The following AGO3 variants were observed in gnomAD, a reference collection of about 807,000 sequenced individuals.
The protein encoded by AGO3 is protein argonaute-3.
A neutral mutation model predicts 105.5 loss-of-function variants in AGO3; 16 were observed. That is an observed-to-expected ratio of 0.15 (90% CI 0.10 to 0.23). AGO3 has a LOEUF of 0.23. Ranked by LOEUF, AGO3 falls within the 10% of genes least tolerant of loss-of-function variation. The pLI is 1.00. For missense variants in AGO3, 534 were observed against 1,088.0 expected, an observed-to-expected ratio of 0.49 and a Z score of 7.16; for synonymous variants, 340 against 367.3, an observed-to-expected ratio of 0.93 and a Z score of 0.85.
intron 15 of AGO3, 85 bp downstream of exon 15, chr1:36,040,069 T>G: frequency 7.2e-7 from 1 of 1,395,836 alleles, no homozygotes; most frequent in Non-Finnish European, 9.7e-7. Context: ...GTTAAAAACC[T>G]TGTTAGAGTT....
intron 11 of AGO3, among the ~76,000 whole-genome samples, chr1:36,022,844 A>G (rs1641302821): frequency 6.6e-6 from 1 of 151,016 alleles, no homozygotes; most frequent in African/African-American, 2.4e-5. Context: ...AGTCAGGAGA[A>G]TTGCTGGAAC....
intron 5 of AGO3, among the ~76,000 whole-genome samples, chr1:36,002,323 A>AT (rs1640124218): frequency 1.5e-5 from 2 of 136,538 alleles, no homozygotes; most frequent in African/African-American, 5.9e-5. Context: ...CAGCCAAGAT[A>AT]ATTTTTTTTT....
chr1:35,931,369 T>G lies in AGO3; in HGVS notation c.-58T>G, dbSNP rs886490134. 1.6e-5 allele frequency: 23 copies of G among 1,406,240 alleles called. No homozygotes were observed. Among genetic ancestry groups the G allele is most frequent in the Non-Finnish European group, 1.5e-5 (16 of 1,073,476 alleles). 87.1% of individuals were successfully genotyped at this position (1,406,240 alleles called of 1,614,324 possible). A position where few individuals can be genotyped will look rare whatever the true frequency, so the allele number is the denominator to read the frequency against. On this transcript the variant is annotated 5_prime_UTR_variant, in exon 1 of 19. Coordinates refer to ENST00000373191, the MANE Select transcript of AGO3 (RefSeq NM_024852.4). The stretch of plus-strand genomic sequence containing the variant: ...GCGCCGCGTCGCCCCCCGGGCCGCC[T>G]CCTTGCCGCCAGTGGCGGGCTCCGT...
At position 35,987,556 on chromosome 1, in the gene AGO3, A is replaced by G. The variant is rs188031794; in HGVS notation, c.658+14045A>G. On this transcript the variant is annotated intron_variant, in intron 5 of 18. Coordinates refer to ENST00000373191, the MANE Select transcript of AGO3 (RefSeq NM_024852.4). ...CTTAGAACAAAAGTATGTACTAGGT[A>G]CATACAAATAAAGTAAAATTATAAA... Among the ~76,000 whole-genome samples the G allele has an allele frequency of 1.1e-4, 17 of 152,202 alleles. No homozygotes were observed. In the East Asian group the frequency reaches 3.3e-3, roughly 29 times the overall value.
At chr1:36,012,885 A>G (rs567045931) in intron 9 of AGO3, among the ~76,000 whole-genome samples, 1 of 151,862 alleles carries the variant, frequency 6.6e-6, no homozygotes, top group Non-Finnish European at 1.5e-5. Flanking sequence ...CCTGAATAAC[A>G]TAGCAAGACT....
At chr1:36,040,554 A>C in intron 16 of AGO3, 113 bp downstream of exon 16, 1 of 1,128,842 alleles carries the variant, frequency 8.9e-7, no homozygotes, top group Non-Finnish European at 1.3e-6. Context: ...TATAGTAGCA[A>C]ATTTCAACAA....
In AGO3 at chr1:36,068,724, C is replaced by T. The variant is rs115298849; in HGVS notation, c.*12979C>T. 2 of 152,124 alleles carry T rather than the reference C, an allele frequency of 1.3e-5. No individual in the cohort carries two copies. The highest frequency in any genetic ancestry group is 6.5e-5 in the Admixed American group (1 of 15,270). The allele number at this position is 152,124 out of a possible 1,614,324, so 9.4% of individuals were successfully genotyped here. A position where few individuals can be genotyped will look rare whatever the true frequency, so the allele number is the denominator to read the frequency against. On this transcript the variant is annotated 3_prime_UTR_variant, in exon 19 of 19. Coordinates refer to ENST00000373191, the MANE Select transcript of AGO3 (RefSeq NM_024852.4). ...ATTAATACTTAACCTGTTCATTTCT[C>T]TTAATTTATGTATTTATTCTGACTT...
Position 35,931,396 on chromosome 1 carries a change from C to T in AGO3, c.-31C>T. 3 of 1,422,300 alleles carry T rather than the reference C, an allele frequency of 2.1e-6. No homozygotes were observed. Among genetic ancestry groups the T allele is most frequent in the Admixed American group, 3.0e-5 (1 of 33,828 alleles). 88.1% of individuals were successfully genotyped at this position (1,422,300 alleles called of 1,614,324 possible). ...CTTGCCGCCAGTGGCGGGCTCCGTT[C>T]TCCCTCGAAGCACTCCCCCCAGCTC... is the stretch of plus-strand genomic sequence containing the variant. On this transcript the variant is annotated 5_prime_UTR_variant, in exon 1 of 19. Transcript: ENST00000373191.
At chr1:35,948,223 T>A (rs992953879) in intron 2 of AGO3, among the ~76,000 whole-genome samples, 2 of 150,782 alleles carry the variant, frequency 1.3e-5, no homozygotes, top group Non-Finnish European at 3.0e-5. Flanking sequence ...AGAATTTTTT[T>A]TTTTTTTTTT....
chr1:35,968,903 G>GT (rs112508712), intron 3 of AGO3, among the ~76,000 whole-genome samples: 8,871 of 143,576 alleles, frequency 0.062, 314 homozygotes, highest in South Asian at 0.089. Flanking sequence ...TTTCTGTTTT[G>GT]TTTTTTTTTT....
chr1:36,045,702 G>A (rs889133433), intron 17 of AGO3, among the ~76,000 whole-genome samples: 7 of 151,484 alleles, frequency 4.6e-5, no homozygotes, highest in African/African-American at 1.2e-4. Context: ...GCCACCACAC[G>A]CGGCTAATTT....
At chr1:35,933,017 A>G (rs192853867) in intron 1 of AGO3, among the ~76,000 whole-genome samples, 4 of 152,344 alleles carry the variant, frequency 2.6e-5, no homozygotes, top group Admixed American at 1.3e-4. Context: ...CACCTAGTCA[A>G]CTGGTACAAC....
chr1:36,022,129 G>A (rs1474807162), intron 11 of AGO3, among the ~76,000 whole-genome samples: 5 of 143,244 alleles, frequency 3.5e-5, no homozygotes, highest in African/African-American at 1.3e-4. Flanking sequence ...GCAGTGGCGT[G>A]ACCATGGCTC....
Position 36,060,685 on chromosome 1 carries a change from A to G in AGO3, c.*4940A>G, listed in dbSNP as rs941241910. 2.6e-5 allele frequency: 4 copies of G among 152,328 alleles called. No individual in the cohort carries two copies. The highest frequency in any genetic ancestry group is 3.4e-3 in the Middle Eastern group (1 of 294). 9.4% of individuals were successfully genotyped at this position (152,328 alleles called of 1,614,324 possible). On this transcript the variant is annotated 3_prime_UTR_variant, in exon 19 of 19. Coordinates refer to ENST00000373191, the MANE Select transcript of AGO3 (RefSeq NM_024852.4). Reference sequence around the variant, plus strand: ...ATGTTTGCTTAGCTTATCCTCTTAGATGTTCTTCTGTTGAACAGGCAGGTT... The same window carrying G: ...ATGTTTGCTTAGCTTATCCTCTTAGGTGTTCTTCTGTTGAACAGGCAGGTT...
At chr1:35,937,039 T>C (rs1403839450) in intron 1 of AGO3, among the ~76,000 whole-genome samples, 2 of 152,188 alleles carry the variant, frequency 1.3e-5, no homozygotes, top group Non-Finnish European at 2.9e-5. Flanking sequence ...ACTTTAAAAA[T>C]GATGAAAGAA....
chr1:35,976,939 A>G (rs945194589), intron 5 of AGO3, among the ~76,000 whole-genome samples: 15 of 152,122 alleles, frequency 9.9e-5, no homozygotes, highest in African/African-American at 3.1e-4. Context: ...TGATATTATC[A>G]GCTCTTGTAT....
Position 36,027,028 on chromosome 1 carries a change from C to T in AGO3, c.1407-86C>T. 2 of 1,446,876 alleles carry T rather than the reference C, an allele frequency of 1.4e-6. No homozygotes were observed. Among genetic ancestry groups the T allele is most frequent in the South Asian group, 2.7e-5 (2 of 75,216 alleles). 89.6% of individuals were successfully genotyped at this position (1,446,876 alleles called of 1,614,324 possible). A position where few individuals can be genotyped will look rare whatever the true frequency, so the allele number is the denominator to read the frequency against. ...GCACACAAATCTTTGCTTCATCCTT[C>T]CATTCCCTTCCCAAACTTCCCATTA... is the stretch of plus-strand genomic sequence containing the variant. On this transcript the variant is annotated intron_variant, in intron 11 of 18. Transcript: ENST00000373191. The surrounding 1 kb of genome is among the most constrained non-coding windows in gnomAD (Gnocchi z 4.0).
intron 11 of AGO3, among the ~76,000 whole-genome samples, chr1:36,025,162 C>A (rs946947277): frequency 2.0e-5 from 3 of 152,166 alleles, no homozygotes; most frequent in African/African-American, 7.2e-5. Context: ...CAGTTTACCT[C>A]AGGCCATTTC....
chr1:36,016,987 G>T (rs966779127), intron 11 of AGO3, among the ~76,000 whole-genome samples: 1 of 152,118 alleles, frequency 6.6e-6, no homozygotes, highest in African/African-American at 2.4e-5. Context: ...TTAGGTAAGA[G>T]TGTGACCAAA....
Sources: gnomAD v4.1 joint callset for allele counts (sites outside exome capture counted in the v4.1 genomes callset) on GRCh38, gnomAD v4.1.1 for gene constraint, Gnocchi (gnomAD v3.1) non-coding constraint, MANE v1.5 for transcripts, NCBI Gene and HGNC (gene_info 2026-07-23, HGNC 2026-07-21) for gene names.